The following PARP12 variants were observed in gnomAD, a reference collection of about 807,000 sequenced individuals.
PARP12 encodes the protein protein mono-ADP-ribosyltransferase PARP12.
A neutral mutation model predicts 72.4 loss-of-function variants in PARP12; 59 were observed. The observed-to-expected ratio is 0.81, with a 90% CI of 0.66 to 1.01. The LOEUF (loss-of-function observed/expected upper bound fraction) is 1.01, where lower values mean the gene tolerates loss of function less well. Ranked by LOEUF, PARP12 falls within the 50% of genes least tolerant of loss-of-function variation. The pLI, the probability that PARP12 is intolerant of heterozygous loss-of-function variation, is 0.00. For missense variants in PARP12, 851 were observed against 914.0 expected, an observed-to-expected ratio of 0.93 and a Z score of 0.89; for synonymous variants, 403 against 371.4, an observed-to-expected ratio of 1.09 and a Z score of -0.98.
chr7:140,038,356 A>G (rs1377227575), intron 6 of PARP12: 1 of 933,958 alleles, frequency 1.1e-6, no homozygotes. Flanking sequence ...TTCAATCCCT[A>G]TCCTTCCACA....
chr7:140,055,484 A>C (rs1817141449), intron 3 of PARP12, among the ~76,000 whole-genome samples: 1 of 152,208 alleles, frequency 6.6e-6, no homozygotes, highest in African/African-American at 2.4e-5. Flanking sequence ...AACCCCAATG[A>C]GCACATAAAA....
rs979443441 is a variant in PARP12 at position 140,054,891 on chromosome 7, G to A, written c.761-128C>T. Reference sequence around the variant, plus strand: ...GCTCACAAAGCCCTATCGTGTTTGGGGTGAAAGTGCTCCTACACAGGTGGA... The same window carrying A: ...GCTCACAAAGCCCTATCGTGTTTGGAGTGAAAGTGCTCCTACACAGGTGGA... On this transcript the variant is annotated intron_variant, in intron 3 of 11. Transcript: ENST00000263549. The A allele has an allele frequency of 8.1e-6, 6 of 737,220 alleles. No individual in the cohort carries two copies. The African/African-American group carries it at 1.1e-4, about 13-fold the overall frequency. 45.7% of individuals were successfully genotyped at this position (737,220 alleles called of 1,614,324 possible).
intron 3 of PARP12, among the ~76,000 whole-genome samples, chr7:140,056,655 T>C (rs1717833206): frequency 6.6e-6 from 1 of 152,204 alleles, no homozygotes; most frequent in South Asian, 2.1e-4. Context: ...GCATGCTTGA[T>C]CAAGTCTATG....
chr7:140,041,781 T>C lies in PARP12; in HGVS notation c.1045A>G (p.Met349Val), dbSNP rs1304085589. The C allele has an allele frequency of 6.2e-7, 1 of 1,614,068 alleles. No homozygotes were observed. The highest frequency in any genetic ancestry group is 8.5e-7 in the Non-Finnish European group (1 of 1,179,988). ...FHSHCLNFNAMTYGATQARRL... is the reference protein window; with the variant it reads ...FHSHCLNFNAVTYGATQARRL... ...CGAGCCTGGGTAGCACCGTAAGTCA[T>C]GGCGTTAAAGTTCAGACAATGAGAG... The change falls in exon 6 of 12, where the codon ATG becomes GTG. Residue 349 changes from methionine (M) to valine (V), a missense_variant. Coordinates refer to ENST00000263549, the MANE Select transcript of PARP12 (RefSeq NM_022750.4).
At chr7:140,056,665 G>C (rs1817190535) in intron 3 of PARP12, among the ~76,000 whole-genome samples, 191 bp downstream of exon 3, 1 of 152,298 alleles carries the variant, frequency 6.6e-6, no homozygotes, top group East Asian at 1.9e-4. Flanking sequence ...TCAAGTCTAT[G>C]ATTTCAACTT....
At chr7:140,053,748 T>C (rs1239706163) in intron 4 of PARP12, among the ~76,000 whole-genome samples, 2 of 152,150 alleles carry the variant, frequency 1.3e-5, no homozygotes, top group Non-Finnish European at 2.9e-5. Flanking sequence ...AATCAACTAC[T>C]ACACACTTGT....
intron 7 of PARP12, chr7:140,034,590 A>T (rs1486040483): frequency 5.5e-5 from 14 of 256,694 alleles, no homozygotes. Flanking sequence ...GTGCTTTTAA[A>T]TTGTTCCTTC....
chr7:140,043,637 C>A (rs1019483008), intron 5 of PARP12, among the ~76,000 whole-genome samples: 1 of 152,092 alleles, frequency 6.6e-6, no homozygotes, highest in Non-Finnish European at 1.5e-5. Flanking sequence ...AAGCGATTCT[C>A]CTGTCTCACC....
intron 8 of PARP12, among the ~76,000 whole-genome samples, chr7:140,031,612 A>G (rs1049661690): frequency 6.6e-6 from 1 of 152,234 alleles, no homozygotes; most frequent in African/African-American, 2.4e-5. Flanking sequence ...TGAACACTTC[A>G]TCTGTGTGAA....
intron 9 of PARP12, among the ~76,000 whole-genome samples, chr7:140,027,870 T>C (rs2040969): frequency 0.47 from 71,470 of 151,524 alleles, 19,275 homozygotes; most frequent in African/African-American, 0.73. Flanking sequence ...CCCACACAGG[T>C]CAAAGACACA....
chr7:140,032,279 G>A (rs1352755928), intron 8 of PARP12, among the ~76,000 whole-genome samples: 1 of 151,940 alleles, frequency 6.6e-6, no homozygotes, highest in Non-Finnish European at 1.5e-5. Context: ...TCAAGCCCAT[G>A]GAAAGGAATT....
intron 1 of PARP12, among the ~76,000 whole-genome samples, chr7:140,060,619 G>A (rs1481147453): frequency 1.3e-5 from 2 of 152,168 alleles, no homozygotes; most frequent in Admixed American, 6.5e-5. Flanking sequence ...ACTAGCTTAA[G>A]AACAGGGCTG....
At chr7:140,048,646 T>C (rs1010903392) in intron 4 of PARP12, among the ~76,000 whole-genome samples, 3 of 152,198 alleles carry the variant, frequency 2.0e-5, no homozygotes, top group Admixed American at 2.0e-4. Flanking sequence ...CATGCACATA[T>C]TATTTCTTGC....
At chr7:140,057,700 T>C (rs1817244565) in intron 2 of PARP12, 199 bp downstream of exon 2, 1 of 651,472 alleles carries the variant, frequency 1.5e-6, no homozygotes, top group Admixed American at 3.0e-5. Context: ...ATCTGTGTGA[T>C]GTTTGTGGAA....
At chr7:140,061,601 G>A (rs1817446603) in intron 1 of PARP12, among the ~76,000 whole-genome samples, 1 of 152,054 alleles carries the variant, frequency 6.6e-6, no homozygotes, top group South Asian at 2.1e-4. Flanking sequence ...TTCCTAAAAC[G>A]CAAACCTGAT....
At chr7:140,042,865 T>TCC (rs1398400175) in intron 5 of PARP12, among the ~76,000 whole-genome samples, 1 of 152,014 alleles carries the variant, frequency 6.6e-6, no homozygotes, top group Non-Finnish European at 1.5e-5. Context: ...CAAACACACA[T>TCC]CCCCTCTGGA....
intron 5 of PARP12, among the ~76,000 whole-genome samples, chr7:140,042,187 C>G (rs762259922): frequency 1.3e-5 from 2 of 152,158 alleles, no homozygotes. Flanking sequence ...TGAGTGTTTA[C>G]TGTGTGAGCC....
intron 7 of PARP12, among the ~76,000 whole-genome samples, chr7:140,035,814 T>C (rs1206552239): frequency 1.8e-5 from 2 of 108,700 alleles, no homozygotes; most frequent in African/African-American, 4.6e-5. Context: ...GCTTCTTTTA[T>C]GGATACTGGT....
chr7:140,029,318 A>C (rs1388715446), intron 8 of PARP12, among the ~76,000 whole-genome samples: 1 of 152,240 alleles, frequency 6.6e-6, no homozygotes, highest in Non-Finnish European at 1.5e-5. Flanking sequence ...CTAAAAATTA[A>C]ATAAAAGCAG....
Sources: allele counts gnomAD v4.1 joint callset (sites outside exome capture counted in the v4.1 genomes callset), GRCh38; gene constraint gnomAD v4.1.1; transcripts MANE v1.5; gene names NCBI Gene and HGNC (gene_info 2026-07-23, HGNC 2026-07-21).